The following NEIL2 variants were observed in gnomAD, a reference collection of about 807,000 sequenced individuals.
NEIL2 encodes the protein endonuclease 8-like 2.
In NEIL2, 23 loss-of-function variants were observed where a neutral mutation model predicts 22.2. The observed-to-expected ratio is 1.04, with a 90% CI of 0.75 to 1.47. The LOEUF (loss-of-function observed/expected upper bound fraction) is 1.47, where lower values mean the gene tolerates loss of function less well. Ranked by LOEUF, NEIL2 falls within the 40% of genes most tolerant of loss-of-function variation. NEIL2 has a pLI of 0.00. For synonymous variants in NEIL2, 229 were observed against 164.8 expected, an observed-to-expected ratio of 1.39 and a Z score of -2.99; for missense variants, 583 against 404.7, an observed-to-expected ratio of 1.44 and a Z score of -3.78.
intron 2 of NEIL2, among the ~76,000 whole-genome samples, chr8:11,776,604 G>C (rs1319896512): frequency 6.6e-6 from 1 of 152,142 alleles, no homozygotes; most frequent in Non-Finnish European, 1.5e-5. Context: ...AACTTTTTTA[G>C]TGTCTTCTGT....
At chr8:11,776,777 C>G (rs1302856911) in intron 2 of NEIL2, among the ~76,000 whole-genome samples, 1 of 152,168 alleles carries the variant, frequency 6.6e-6, no homozygotes, top group Non-Finnish European at 1.5e-5. Flanking sequence ...TTCCTTGGGG[C>G]TCCCCTCTGC....
intron 2 of NEIL2, 87 bp downstream of exon 2, chr8:11,771,672 C>A (rs540096287): frequency 8.5e-6 from 12 of 1,406,252 alleles, no homozygotes; most frequent in African/African-American, 1.4e-5. Context: ...CAGGGTGTCA[C>A]TTCCCTGAGT....
Position 11,779,783 on chromosome 8 carries a change from C to A in NEIL2, c.324C>A (p.Val108=). Residue 108 remains valine (V), a synonymous_variant, in exon 3 of 5, where the codon GTC becomes GTA. Coordinates refer to ENST00000284503, the MANE Select transcript of NEIL2 (RefSeq NM_145043.4). ...GATCCTCACGGTCTGCAGAGCTCGT[C>A]CCCCAGGGCGAGGATGATTCTGAGT... ...LDGSSRSAEL[V]PQGEDDSEYL... is the part of the protein sequence containing the mutation. 4 of 1,614,202 alleles carry A rather than the reference C, an allele frequency of 2.5e-6. No homozygotes were observed. The South Asian group carries it at 4.4e-5, about 18-fold the overall frequency.
At chr8:11,783,465 T>A (rs1804627265) in intron 4 of NEIL2, 66 bp downstream of exon 4, 2 of 1,414,922 alleles carry the variant, frequency 1.4e-6, no homozygotes, top group East Asian at 4.5e-5. Context: ...CCTGTGGGAG[T>A]CAGAAGACCT....
In NEIL2 at chr8:11,783,331, T is replaced by G; in HGVS notation, c.620T>G (p.Leu207Ter). Reference sequence around the variant, plus strand: ...GAGAAGTTCCATCGAGGACAAGCCTTAGAAGCTCTAGGCCAGGCTCAGCCT... The same window carrying G: ...GAGAAGTTCCATCGAGGACAAGCCTGAGAAGCTCTAGGCCAGGCTCAGCCT... Reference protein sequence around the residue: ...LSEKFHRGQALEALGQAQPVC... With the variant: ...LSEKFHRGQA Residue 207 changes from leucine to a stop codon, truncating the protein, a stop_gained, in exon 4 of 5, where the codon TTA (leucine) becomes TGA (stop). Transcript: ENST00000284503. LOFTEE classifies it high-confidence loss of function. 1 of 1,614,194 alleles carries G rather than the reference T, an allele frequency of 6.2e-7. No homozygotes were observed. The highest frequency in any genetic ancestry group is 1.1e-5 in the South Asian group (1 of 91,086).
At position 11,786,224 on chromosome 8, in the gene NEIL2, A is replaced by G; in HGVS notation, c.950A>G (p.Gln317Arg). ...CAGAGGCTCACCTGGTGGTGCCCGC[A>G]GTGCCAGCCCCAGTTGTCAGAGGAG... ...GLQRLTWWCP[Q>R]CQPQLSEEPE... is the part of the protein sequence containing the mutation. The change falls in exon 5 of 5, where the codon CAG (glutamine) becomes CGG (arginine). Residue 317 changes from glutamine to arginine, a missense_variant. Transcript: ENST00000284503. The G allele has an allele frequency of 6.2e-7, 1 of 1,613,148 alleles. No homozygotes were observed. Among genetic ancestry groups the G allele is most frequent in the East Asian group, 2.2e-5 (1 of 44,878 alleles).
intron 2 of NEIL2, among the ~76,000 whole-genome samples, chr8:11,776,500 G>C (rs988434530): frequency 6.6e-6 from 1 of 152,172 alleles, no homozygotes; most frequent in Non-Finnish European, 1.5e-5. Context: ...ATGCTGCTGT[G>C]GGCATTCATA....
rs8191520 is a variant in NEIL2 at position 11,770,038 on chromosome 8, G to A, written c.-300G>A. 1 of 152,144 alleles carries A rather than the reference G, an allele frequency of 6.6e-6. No homozygotes were observed. Among genetic ancestry groups the A allele is most frequent in the Non-Finnish European group, 1.5e-5 (1 of 68,038 alleles). 9.4% of individuals were successfully genotyped at this position (152,144 alleles called of 1,614,324 possible). On this transcript the variant is annotated 5_prime_UTR_variant, in exon 1 of 5. Transcript: ENST00000284503. ...CGGGCACTCGGAAGAGAACGGCGGA[G>A]ACAACCCCTCCTCTTCCCTGGCTGG...
chr8:11,782,759 TCTGA>T lies in NEIL2; in HGVS notation c.492-441_492-438del, dbSNP rs550121408. ...TGTATGATCCAGCCACAGAGTGTGCTCTGACTACGTTGTGGTAACGATGTGGGGA... is the reference window on the plus strand; with the variant it reads ...TGTATGATCCAGCCACAGAGTGTGCTCTACGTTGTGGTAACGATGTGGGGA... On this transcript the variant is annotated intron_variant, in intron 3 of 4. Transcript: ENST00000284503. 444 of 272,700 alleles carry T rather than the reference TCTGA, an allele frequency of 1.6e-3. 2 individuals are homozygous for T. Among genetic ancestry groups the T allele is most frequent in the African/African-American group, 6.5e-3 (298 of 45,736 alleles). 16.9% of individuals were successfully genotyped at this position (272,700 alleles called of 1,614,324 possible). A position where few individuals can be genotyped will look rare whatever the true frequency, so the allele number is the denominator to read the frequency against.
rs8191642 is a variant in NEIL2 at position 11,783,275 on chromosome 8, A to C, written c.564A>C (p.Pro188=). The C allele has an allele frequency of 6.2e-7, 1 of 1,614,034 alleles. No individual in the cohort carries two copies. Among genetic ancestry groups the C allele is most frequent in the Non-Finnish European group, 8.5e-7 (1 of 1,179,970 alleles). The change falls in exon 4 of 5, where the codon CCA becomes CCC. Residue 188 remains proline, a synonymous_variant. Transcript: ENST00000284503. ...GTCAGTTGTCTTGGAGCTCTTCCCC[A>C]GTGGTCACACCCACCTGTGACATCC... ...YNCQLSWSSS[P]VVTPTCDILS... is the part of the protein sequence containing the mutation.
chr8:11,783,239 A>G lies in NEIL2; in HGVS notation c.528A>G (p.Ala176=). 6.2e-7 allele frequency: 1 copy of G among 1,614,150 alleles called. No homozygotes were observed. Among genetic ancestry groups the G allele is most frequent in the African/African-American group, 1.3e-5 (1 of 75,028 alleles). Residue 176 remains alanine (A), a synonymous_variant, in exon 4 of 5, where the codon GCA becomes GCG. Transcript: ENST00000284503. ...VLHFGGGGFL[A]FYNCQLSWSS... is the part of the protein sequence containing the mutation. ...ACTTTGGTGGTGGTGGCTTCCTGGC[A>G]TTTTATAATTGTCAGTTGTCTTGGA...
Position 11,769,739 on chromosome 8 carries a change from G to C in NEIL2, c.-599G>C, listed in dbSNP as rs1803254206. The C allele has an allele frequency of 1.3e-5, 2 of 152,408 alleles. No homozygotes were observed. The highest frequency in any genetic ancestry group is 4.8e-5 in the African/African-American group (2 of 41,470). 9.4% of individuals were successfully genotyped at this position (152,408 alleles called of 1,614,324 possible). A position where few individuals can be genotyped will look rare whatever the true frequency, so the allele number is the denominator to read the frequency against. ...CTCCGCCCCCAGCTGGAGCGGCTGTGCGGGCTGCGTAGCGGTGCTGGGTCG... is the reference window on the plus strand; with the variant it reads ...CTCCGCCCCCAGCTGGAGCGGCTGTCCGGGCTGCGTAGCGGTGCTGGGTCG... On this transcript the variant is annotated 5_prime_UTR_variant, in exon 1 of 5. Transcript: ENST00000284503.
At chr8:11,772,180 G>C (rs1803511475) in intron 2 of NEIL2, among the ~76,000 whole-genome samples, 1 of 151,658 alleles carries the variant, frequency 6.6e-6, no homozygotes, top group African/African-American at 2.4e-5. Flanking sequence ...TCCAGCCTGG[G>C]TGACAGAGTG....
chr8:11,781,957 G>C (rs1444967381), intron 3 of NEIL2, among the ~76,000 whole-genome samples: 1 of 152,048 alleles, frequency 6.6e-6, no homozygotes, highest in Non-Finnish European at 1.5e-5. Flanking sequence ...CCAGTTACTT[G>C]GGAGGCTGAA....
At chr8:11,779,531 A>C (rs980273523) in intron 2 of NEIL2, 67 bp from the exon 3 acceptor site, 18 of 1,258,284 alleles carry the variant, frequency 1.4e-5, no homozygotes, top group Non-Finnish European at 2.0e-5. Flanking sequence ...CAATAGGATA[A>C]ATATCCGCAT....
chr8:11,774,876 G>A (rs776000416), intron 2 of NEIL2, among the ~76,000 whole-genome samples: 4 of 152,262 alleles, frequency 2.6e-5, no homozygotes, highest in African/African-American at 4.8e-5. Flanking sequence ...TCCAGGGCAC[G>A]CTGATGCAAG....
chr8:11,773,513 A>C (rs556493958), intron 2 of NEIL2, among the ~76,000 whole-genome samples: 34 of 152,260 alleles, frequency 2.2e-4, no homozygotes, highest in Non-Finnish European at 4.0e-4. Context: ...AGCACATCAT[A>C]AAGGCCCAGG....
chr8:11,771,215 A>G (rs1264141937), intron 1 of NEIL2, among the ~76,000 whole-genome samples: 1 of 152,174 alleles, frequency 6.6e-6, no homozygotes, highest in Non-Finnish European at 1.5e-5. Flanking sequence ...TGTTTGCTGC[A>G]TGAAGAAAGG....
chr8:11,773,487 T>C (rs1264627250), intron 2 of NEIL2, among the ~76,000 whole-genome samples: 1 of 151,908 alleles, frequency 6.6e-6, no homozygotes, highest in Non-Finnish European at 1.5e-5. Flanking sequence ...TAAGCTATGC[T>C]AAATGGGGAG....
Sources: allele counts gnomAD v4.1 joint callset (sites outside exome capture counted in the v4.1 genomes callset), GRCh38; gene constraint gnomAD v4.1.1; transcripts MANE v1.5; gene names NCBI Gene and HGNC (gene_info 2026-07-23, HGNC 2026-07-21).